LRRC9: variants seen among roughly 807,000 people sequenced by gnomAD.
The protein encoded by LRRC9 is leucine rich repeat containing 9.
A neutral mutation model predicts 63.2 loss-of-function variants in LRRC9; 122 were observed. The ratio of observed to expected loss-of-function variants is 1.93; its 90% CI spans 1.67 to 2.24. LRRC9 has a LOEUF of 2.24. Ranked by LOEUF, LRRC9 falls within the 30% of genes most tolerant of loss-of-function variation. The probability of loss-of-function intolerance (pLI) is 0.00; values close to 1 mark genes in which losing one functional copy is unlikely to be tolerated. For missense variants in LRRC9, 1,071 were observed against 627.7 expected (o/e 1.71, Z -7.55); for synonymous variants, 366 against 213.1 (o/e 1.72, Z -6.25).
chr14:59,933,096 T>C (rs1474503102), intron 6 of LRRC9, among the ~76,000 whole-genome samples: 1 of 152,174 alleles, frequency 6.6e-6, no homozygotes, highest in African/African-American at 2.4e-5. Flanking sequence ...GAATTTTCTT[T>C]CCTCATATAC....
intron 17 of LRRC9, among the ~76,000 whole-genome samples, chr14:59,995,358 T>C (rs1888647970): frequency 6.6e-6 from 1 of 152,186 alleles, no homozygotes; most frequent in Admixed American, 6.5e-5. Flanking sequence ...AACCTCGATC[T>C]AGATAACAAT....
At chr14:59,993,867 G>T (rs566046289) in intron 17 of LRRC9, among the ~76,000 whole-genome samples, 1 of 152,180 alleles carries the variant, frequency 6.6e-6, no homozygotes, top group Non-Finnish European at 1.5e-5. Context: ...AATAATGGGA[G>T]ACTTTAACAC....
At position 59,986,238 on chromosome 14, in the gene LRRC9, T is replaced by C. The variant is rs1887459693; in HGVS notation, c.2211+1014T>C. ...TTATACATCATATAACAAAAATAAT[T>C]ACATATGTGGTTCCAGAACTGCAAC... On this transcript the variant is annotated intron_variant, in intron 17 of 31. Coordinates refer to ENST00000445360, the Ensembl canonical transcript of LRRC9. The surrounding 1 kb of genome is among the most constrained non-coding windows in gnomAD (Gnocchi z 4.7). Among the ~76,000 whole-genome samples the C allele has an allele frequency of 6.6e-6, 1 of 152,190 alleles. No individual in the cohort carries two copies. Among genetic ancestry groups the C allele is most frequent in the Non-Finnish European group, 1.5e-5 (1 of 68,008 alleles).
chr14:59,994,699 A>G (rs1446018479), intron 17 of LRRC9, among the ~76,000 whole-genome samples: 2 of 152,246 alleles, frequency 1.3e-5, no homozygotes, highest in African/African-American at 4.8e-5. Context: ...TGATGAGTTC[A>G]TGTCCTTTGT....
rs1894698407 is a variant in LRRC9 at position 60,062,199 on chromosome 14, G to A, written c.4277-1124G>A. The stretch of plus-strand genomic sequence containing the variant: ...GAGAAGGTAAAGCTATTTTCTCTGT[G>A]TTTTAATATCATTTCTCATCATTAA... On this transcript the variant is annotated intron_variant, in intron 31 of 31. Transcript: ENST00000445360. 2 of 398,316 alleles carry A rather than the reference G, an allele frequency of 5.0e-6. No individual in the cohort carries two copies. The highest frequency in any genetic ancestry group is 8.9e-6 in the Non-Finnish European group (2 of 225,854). 24.7% of individuals were successfully genotyped at this position (398,316 alleles called of 1,614,324 possible).
exon 10 of LRRC9, chr14:59,960,934 T>C (rs1209594650): frequency 1.9e-5 from 13 of 682,074 alleles, no homozygotes; most frequent in Admixed American, 6.4e-5. Context: ...ATTTATCATA[T>C]TGAAGTAAAA....
chr14:59,993,935 A>C (rs1264571004), intron 17 of LRRC9, among the ~76,000 whole-genome samples: 1 of 152,188 alleles, frequency 6.6e-6, no homozygotes, highest in Non-Finnish European at 1.5e-5. Context: ...ATATCCAGGA[A>C]TTGAACTCAG....
At chr14:59,924,367 T>C (rs1889028034) in intron 1 of LRRC9, among the ~76,000 whole-genome samples, 1 of 152,248 alleles carries the variant, frequency 6.6e-6, no homozygotes, top group Admixed American at 6.5e-5. Flanking sequence ...CCAAATTCTT[T>C]CAGGTTGCTT....
chr14:59,931,929 A>G, intron 5 of LRRC9, 40 bp from the exon 6 acceptor site: 1 of 694,888 alleles, frequency 1.4e-6, no homozygotes, highest in Non-Finnish European at 2.6e-6. Context: ...ATATGAACAG[A>G]AGGTAAAATA....
Position 59,932,022 on chromosome 14 carries a change from C to A in LRRC9, c.526C>A (p.Gln176Lys). The A allele has an allele frequency of 2.9e-6, 2 of 699,504 alleles. No individual in the cohort carries two copies. Among genetic ancestry groups the A allele is most frequent in the Admixed American group, 2.0e-5 (1 of 49,612 alleles). 43.3% of individuals were successfully genotyped at this position (699,504 alleles called of 1,614,324 possible). Reference sequence around the variant, plus strand: ...GGAAAGATTAAACCTTTCTGGTAACCAAATATGTTCTTTCAAGGTATGTTT... The same window carrying A: ...GGAAAGATTAAACCTTTCTGGTAACAAAATATGTTCTTTCAAGGTATGTTT... The change falls in exon 6 of 32, where the codon CAA becomes AAA. Residue 176 changes from glutamine to lysine, a missense_variant. Transcript: ENST00000445360. The surrounding 1 kb of genome is among the most constrained non-coding windows in gnomAD (Gnocchi z 4.7).
At chr14:59,920,009 AC>A (rs1413041761) in intron 1 of LRRC9, 134 bp from the exon 1 acceptor site, 1 of 152,186 alleles carries the variant, frequency 6.6e-6, no homozygotes, top group Admixed American at 6.5e-5. Flanking sequence ...GGAGGTCGCC[AC>A]CACGTGATGC....
intron 12 of LRRC9, among the ~76,000 whole-genome samples, chr14:59,971,977 T>G (rs1885559677): frequency 6.6e-6 from 1 of 152,152 alleles, no homozygotes; most frequent in Admixed American, 6.5e-5. Context: ...AAACTTTCAG[T>G]AGCTTCGCAT....
At chr14:59,960,806 G>T in intron 9 of LRRC9, 108 bp from the exon 10 acceptor site, 1 of 485,414 alleles carries the variant, frequency 2.1e-6, no homozygotes, top group Non-Finnish European at 3.6e-6. Context: ...TTTATCCATT[G>T]AAAGGAAGCC....
chr14:59,975,114 T>TATATATATATAC (rs1566833535), intron 13 of LRRC9, among the ~76,000 whole-genome samples: 2 of 12,428 alleles, frequency 1.6e-4, no homozygotes, highest in African/African-American at 2.8e-4. Context: ...TATATATATG[T>TATATATATATAC]ATATATATAT....
At chr14:60,037,224 A>G (rs1892518202) in intron 29 of LRRC9, among the ~76,000 whole-genome samples, 1 of 152,174 alleles carries the variant, frequency 6.6e-6, no homozygotes, top group Non-Finnish European at 1.5e-5. Flanking sequence ...CACAATAAAC[A>G]TATGTGTGCA....
chr14:60,060,742 A>G lies in LRRC9; in HGVS notation c.4277-2581A>G, dbSNP rs1894606127. On this transcript the variant is annotated intron_variant, in intron 31 of 31. Transcript: ENST00000445360. This position sits in a 1 kb window ranked among gnomAD's most constrained non-coding sequence, Gnocchi z 4.0. ...GGTGACAGAGCAAGACTCCATCTCA[A>G]AAAATAAAATAAAATAAAATTAGTG... Among the ~76,000 whole-genome samples, 1 of 152,154 alleles carries G rather than the reference A, an allele frequency of 6.6e-6. No individual in the cohort carries two copies. The highest frequency in any genetic ancestry group is 1.5e-5 in the Non-Finnish European group (1 of 68,038).
At position 59,936,901 on chromosome 14, in the gene LRRC9, G is replaced by A. The variant is rs917872392; in HGVS notation, c.544-1489G>A. Among the ~76,000 whole-genome samples, 1 of 152,020 alleles carries A rather than the reference G, an allele frequency of 6.6e-6. No homozygotes were observed. The highest frequency in any genetic ancestry group is 1.5e-5 in the Non-Finnish European group (1 of 68,006). On this transcript the variant is annotated intron_variant, in intron 6 of 31. Coordinates refer to ENST00000445360, the Ensembl canonical transcript of LRRC9. The surrounding 1 kb of genome is among the most constrained non-coding windows in gnomAD (Gnocchi z 4.2). ...TTTTTACTGTAGCTTTAGACCTAAT[G>A]CTTCCTAGTTCTTCCTTTGGATTTC...
intron 17 of LRRC9, among the ~76,000 whole-genome samples, chr14:59,991,611 C>T (rs1888109952): frequency 6.6e-6 from 1 of 152,146 alleles, no homozygotes; most frequent in African/African-American, 2.4e-5. Context: ...TCGAGTCACT[C>T]CCACCCTAAT....
At chr14:59,963,673 C>T (rs1884565391) in intron 10 of LRRC9, among the ~76,000 whole-genome samples, 2 of 152,122 alleles carry the variant, frequency 1.3e-5, no homozygotes, top group Non-Finnish European at 2.9e-5. Flanking sequence ...GCTTCCATAT[C>T]ACTTTATAGA....
Sources: allele counts gnomAD v4.1 joint callset (sites outside exome capture counted in the v4.1 genomes callset), GRCh38; gene constraint gnomAD v4.1.1; non-coding constraint Gnocchi (gnomAD v3.1); transcripts MANE v1.5; gene names NCBI Gene and HGNC (gene_info 2026-07-23, HGNC 2026-07-21).